The following FHIT variants were observed in gnomAD, a reference collection of about 807,000 sequenced individuals.
FHIT encodes the protein bis(5'-adenosyl)-triphosphatase.
In FHIT, 19 loss-of-function variants were observed where a neutral mutation model predicts 17.9. The ratio of observed to expected loss-of-function variants is 1.06; its 90% CI spans 0.74 to 1.56. FHIT has a LOEUF of 1.56. FHIT is among the 40% of genes most tolerant of loss of function. The pLI is 0.00. For missense variants in FHIT, 248 were observed against 189.2 expected, an observed-to-expected ratio of 1.31 and a Z score of -1.82; for synonymous variants, 81 against 69.7, an observed-to-expected ratio of 1.16 and a Z score of -0.81.
At chr3:60,517,883 C>T (rs1048144973) in intron 5 of FHIT, among the ~76,000 whole-genome samples, 11 of 152,222 alleles carry the variant, frequency 7.2e-5, no homozygotes, top group African/African-American at 2.6e-4. Context: ...ACCATACTGC[C>T]CGGTTCATCA....
At chr3:59,838,872 G>A (rs574704371) in intron 8 of FHIT, among the ~76,000 whole-genome samples, 134 of 152,164 alleles carry the variant, frequency 8.8e-4, no homozygotes, top group African/African-American at 2.9e-3. Flanking sequence ...AAACTGAAGC[G>A]GGCTAGGTTG....
chr3:60,832,773 A>G (rs1169404656), intron 3 of FHIT, among the ~76,000 whole-genome samples: 1 of 152,162 alleles, frequency 6.6e-6, no homozygotes, highest in Non-Finnish European at 1.5e-5. Context: ...ATTCATTTTA[A>G]AAACTATTTT....
In FHIT at chr3:61,219,312, T is replaced by C. The variant is rs184263510; in HGVS notation, c.-212-18647A>G. Among the ~76,000 whole-genome samples, 85 of 146,636 alleles carry C rather than the reference T, an allele frequency of 5.8e-4. 2 individuals are homozygous for C. The highest frequency in any genetic ancestry group is 2.0e-3 in the African/African-American group (78 of 39,524). On this transcript the variant is annotated intron_variant, in intron 1 of 9. Transcript: ENST00000492590. ...ATTCTATCATCTTTGTGTACATCTTTGTGTAAATCTAAAAATGTGTGTGTG... is the reference window on the plus strand; with the variant it reads ...ATTCTATCATCTTTGTGTACATCTTCGTGTAAATCTAAAAATGTGTGTGTG...
intron 3 of FHIT, among the ~76,000 whole-genome samples, chr3:60,990,537 T>C (rs924093104): frequency 6.6e-6 from 1 of 152,236 alleles, no homozygotes; most frequent in Non-Finnish European, 1.5e-5. Context: ...TTGTGTCACA[T>C]GCTATGCTCC....
chr3:61,169,506 T>C (rs903730971), intron 2 of FHIT, among the ~76,000 whole-genome samples: 12 of 152,236 alleles, frequency 7.9e-5, no homozygotes, highest in Non-Finnish European at 1.0e-4. Context: ...AGAATTCAGA[T>C]TTATTTCAAA....
chr3:60,644,602 T>C (rs2039809997), intron 4 of FHIT, among the ~76,000 whole-genome samples: 1 of 152,314 alleles, frequency 6.6e-6, no homozygotes, highest in African/African-American at 2.4e-5. Flanking sequence ...TTTACTCTCC[T>C]TGCCCCTCTA....
chr3:59,978,556 C>T (rs1273610824), intron 7 of FHIT, among the ~76,000 whole-genome samples: 1 of 151,624 alleles, frequency 6.6e-6, no homozygotes, highest in East Asian at 2.0e-4. Flanking sequence ...CTTTACCTCT[C>T]AGCATTTCTA....
chr3:60,513,198 T>A (rs978684256), intron 5 of FHIT, among the ~76,000 whole-genome samples: 18 of 152,224 alleles, frequency 1.2e-4, no homozygotes, highest in Non-Finnish European at 2.5e-4. Flanking sequence ...GGCACAGATA[T>A]ATCAAGATGT....
chr3:60,268,022 A>G (rs1706673919), intron 5 of FHIT, among the ~76,000 whole-genome samples: 1 of 152,192 alleles, frequency 6.6e-6, no homozygotes, highest in African/African-American at 2.4e-5. Flanking sequence ...TTTGTATCTT[A>G]CTGAAAATGT....
At chr3:60,737,766 A>G (rs2042162964) in intron 4 of FHIT, among the ~76,000 whole-genome samples, 1 of 152,134 alleles carries the variant, frequency 6.6e-6, no homozygotes, top group African/African-American at 2.4e-5. Context: ...CAAAAAGGAT[A>G]AGTACGAGGT....
chr3:60,515,832 T>C (rs2107553080), intron 5 of FHIT, among the ~76,000 whole-genome samples: 1 of 152,296 alleles, frequency 6.6e-6, no homozygotes, highest in East Asian at 1.9e-4. Flanking sequence ...CTGAAGGAAA[T>C]CTAGGTTAAG....
chr3:60,541,949 C>T (rs1262505897), intron 4 of FHIT, among the ~76,000 whole-genome samples: 2 of 152,182 alleles, frequency 1.3e-5, no homozygotes, highest in Non-Finnish European at 2.9e-5. Flanking sequence ...CTTTTCCAAT[C>T]ATTTTCCTTT....
chr3:59,771,280 T>C (rs1172534326), intron 8 of FHIT, among the ~76,000 whole-genome samples: 2 of 152,170 alleles, frequency 1.3e-5, no homozygotes. Context: ...CAAGAGAGAA[T>C]GAACCTGCTC....
intron 5 of FHIT, among the ~76,000 whole-genome samples, chr3:60,231,217 G>A (rs900629970): frequency 5.9e-5 from 9 of 152,110 alleles, no homozygotes; most frequent in Admixed American, 2.6e-4. Context: ...ATATATATGT[G>A]TGTATATATG....
chr3:60,100,579 G>C (rs1704151184), intron 5 of FHIT, among the ~76,000 whole-genome samples: 1 of 152,086 alleles, frequency 6.6e-6, no homozygotes, highest in African/African-American at 2.4e-5. Context: ...CTGACCCCGA[G>C]TGGTTCCAGT....
chr3:60,889,066 C>A (rs1553759985), intron 3 of FHIT, among the ~76,000 whole-genome samples: 2 of 152,114 alleles, frequency 1.3e-5, no homozygotes, highest in African/African-American at 4.8e-5. Context: ...CCAATTCCTA[C>A]TCCACCCCAA....
chr3:60,087,657 G>C (rs1013424156), intron 5 of FHIT, among the ~76,000 whole-genome samples: 1 of 152,118 alleles, frequency 6.6e-6, no homozygotes, highest in Non-Finnish European at 1.5e-5. Flanking sequence ...CTAGGACATG[G>C]ACACGATGCA....
rs572183755 is a variant in FHIT, at chr3:60,571,208, C to A, written c.-17-34229G>T. On this transcript the variant is annotated intron_variant, in intron 4 of 9. Transcript: ENST00000492590. ...AAAATTAGCCAGGCTTGGTGATGTG[C>A]GCCTGTAATCCCAGCTACTCGGGAG... 9.2e-5 allele frequency among the ~76,000 whole-genome samples: 14 copies of A among 151,450 alleles called. 1 individual carries two copies. The highest frequency in any genetic ancestry group is 8.6e-4 in the Admixed American group (13 of 15,176).
intron 5 of FHIT, among the ~76,000 whole-genome samples, chr3:60,441,486 T>C (rs1336478954): frequency 1.3e-5 from 2 of 151,320 alleles, no homozygotes; most frequent in East Asian, 2.0e-4. Context: ...ATCTCAAACT[T>C]CTCCTTGAAC....
Sources: gnomAD v4.1 joint callset for allele counts (sites outside exome capture counted in the v4.1 genomes callset) on GRCh38, gnomAD v4.1.1 for gene constraint, MANE v1.5 for transcripts, NCBI Gene and HGNC (gene_info 2026-07-23, HGNC 2026-07-21) for gene names.